The following PTPRG variants were observed in gnomAD, a reference collection of about 807,000 sequenced individuals.
PTPRG encodes receptor-type tyrosine-protein phosphatase gamma.
A neutral mutation model predicts 165.3 loss-of-function variants in PTPRG; 102 were observed. The ratio of observed to expected loss-of-function variants is 0.62; its 90% CI spans 0.53 to 0.73. PTPRG has a LOEUF of 0.73. Ranked by LOEUF, PTPRG falls within the 30% of genes least tolerant of loss-of-function variation. The pLI is 0.00. For synonymous variants in PTPRG, 675 were observed against 669.5 expected (o/e 1.01, Z -0.13); for missense variants, 1,866 against 1,861.4 (o/e 1.00, Z -0.05).
chr3:61,713,245 C>T (rs542455695), intron 1 of PTPRG, among the ~76,000 whole-genome samples: 2 of 151,630 alleles, frequency 1.3e-5, no homozygotes, highest in African/African-American at 2.4e-5. Context: ...ACTGCAACCT[C>T]CAGCTCCCTG....
At chr3:61,708,378 C>G (rs547539819) in intron 1 of PTPRG, among the ~76,000 whole-genome samples, 1 of 149,922 alleles carries the variant, frequency 6.7e-6, no homozygotes, top group Admixed American at 6.7e-5. Context: ...CACAGCCCAA[C>G]TGGGGGATCA....
intron 2 of PTPRG, among the ~76,000 whole-genome samples, chr3:61,911,233 C>T (rs889312103): frequency 3.3e-5 from 5 of 152,164 alleles, no homozygotes; most frequent in African/African-American, 1.2e-4. Context: ...AGAGACATTT[C>T]CCTTGTGAAC....
At chr3:62,125,866 G>A (rs1386377093) in intron 5 of PTPRG, among the ~76,000 whole-genome samples, 1 of 152,044 alleles carries the variant, frequency 6.6e-6, no homozygotes, top group Non-Finnish European at 1.5e-5. Context: ...TGGGACCCCG[G>A]CTTGAAATGC....
intron 4 of PTPRG, among the ~76,000 whole-genome samples, chr3:62,021,885 T>C (rs1234875224): frequency 7.0e-6 from 1 of 142,548 alleles, no homozygotes; most frequent in Non-Finnish European, 1.5e-5. Context: ...TTGCATTCCA[T>C]GTTTTGTTTA....
intron 1 of PTPRG, among the ~76,000 whole-genome samples, chr3:61,581,662 C>T (rs1195411230): frequency 3.4e-5 from 5 of 148,354 alleles, no homozygotes; most frequent in African/African-American, 7.4e-5. Context: ...CAGGCTGGAG[C>T]GCAGTGGCAC....
chr3:61,797,802 C>T (rs1013185735), intron 2 of PTPRG, among the ~76,000 whole-genome samples: 8 of 151,756 alleles, frequency 5.3e-5, no homozygotes, highest in Non-Finnish European at 1.2e-4. Context: ...TTGACAGTGC[C>T]CTCAGTTTCC....
At position 62,293,164 on chromosome 3, in the gene PTPRG, C is replaced by T. The variant is rs773319452; in HGVS notation, c.4195C>T (p.Gln1399Ter). 4.4e-6 allele frequency: 7 copies of T among 1,583,960 alleles called. No homozygotes were observed. Among genetic ancestry groups the T allele is most frequent in the Non-Finnish European group, 6.0e-6 (7 of 1,169,004 alleles). The stretch of plus-strand genomic sequence containing the variant: ...CTGTCTTCCTCTTGTTTTTCAGGAA[C>T]AATACCAGTTCATCTATAAAGCAAT... ...MRPGVFTDIE[Q>*]YQFIYKAMLS... Residue 1399 changes from glutamine to a stop codon, truncating the protein, a stop_gained, in exon 30 of 30, where the codon CAA becomes TAA. Coordinates refer to ENST00000474889, the MANE Select transcript of PTPRG (RefSeq NM_002841.4). LOFTEE classifies it high-confidence loss of function.
intron 1 of PTPRG, among the ~76,000 whole-genome samples, chr3:61,732,641 G>A (rs557653624): frequency 6.6e-6 from 1 of 152,030 alleles, no homozygotes; most frequent in South Asian, 2.1e-4. Flanking sequence ...CCCGAGAGGC[G>A]GAGCTTGCAG....
chr3:61,642,237 T>A (rs549074697), intron 1 of PTPRG, among the ~76,000 whole-genome samples: 2 of 152,264 alleles, frequency 1.3e-5, no homozygotes, highest in Middle Eastern at 3.4e-3. Context: ...CTCTCTCTCC[T>A]TGGGGCCGTC....
chr3:61,663,327 G>A (rs180761167), intron 1 of PTPRG, among the ~76,000 whole-genome samples: 18 of 152,288 alleles, frequency 1.2e-4, no homozygotes, highest in South Asian at 6.2e-4. Flanking sequence ...AACGTGGAAG[G>A]TTCTCAGTAG....
intron 5 of PTPRG, among the ~76,000 whole-genome samples, chr3:62,104,732 G>C (rs1702413270): frequency 6.6e-6 from 1 of 152,116 alleles, no homozygotes; most frequent in Non-Finnish European, 1.5e-5. Context: ...ATTTCACTGG[G>C]AAAAGACCTT....
chr3:61,610,188 G>C (rs1489247542), intron 1 of PTPRG, among the ~76,000 whole-genome samples: 2 of 151,412 alleles, frequency 1.3e-5, no homozygotes, highest in Non-Finnish European at 2.9e-5. Context: ...GTACAACTTT[G>C]TAGGGATGTG....
intron 5 of PTPRG, among the ~76,000 whole-genome samples, chr3:62,092,439 G>GGAAAAAA (rs369183881): frequency 0.032 from 2,876 of 89,392 alleles, 109 homozygotes; most frequent in East Asian, 0.21. Flanking sequence ...GAGTCCATCT[G>GGAAAAAA]AAAAAAAAAA....
At chr3:61,569,188 C>T (rs6789675) in intron 1 of PTPRG, among the ~76,000 whole-genome samples, 35,584 of 152,070 alleles carry the variant, frequency 0.23, 4,888 homozygotes, top group Admixed American at 0.33. Flanking sequence ...TAATGCTTTT[C>T]TATTTGTTTT....
intron 3 of PTPRG, among the ~76,000 whole-genome samples, chr3:61,998,823 C>G (rs1262407433): frequency 6.6e-6 from 1 of 152,222 alleles, no homozygotes; most frequent in East Asian, 1.9e-4. Flanking sequence ...ATAGACCTTT[C>G]CTGTCTTTGC....
At chr3:61,768,511 G>T (rs139827240) in intron 2 of PTPRG, among the ~76,000 whole-genome samples, 2 of 152,284 alleles carry the variant, frequency 1.3e-5, no homozygotes, top group Non-Finnish European at 2.9e-5. Context: ...ATGGGTTGTT[G>T]CTCGGAGAGC....
chr3:62,279,293 A>G (rs1407092337), intron 26 of PTPRG, among the ~76,000 whole-genome samples: 2 of 152,098 alleles, frequency 1.3e-5, no homozygotes, highest in African/African-American at 2.4e-5. Context: ...CAAAACAGTC[A>G]TGAGACCAGT....
chr3:61,944,394 T>G (rs2039705604), intron 2 of PTPRG, among the ~76,000 whole-genome samples: 1 of 152,230 alleles, frequency 6.6e-6, no homozygotes, highest in South Asian at 2.1e-4. Context: ...CTTGTGGCAT[T>G]GTACAGCAGG....
chr3:61,659,576 T>G (rs1335404019), intron 1 of PTPRG: 2 of 504,092 alleles, frequency 4.0e-6, no homozygotes, highest in Non-Finnish European at 5.1e-6. Flanking sequence ...AACCTTTGAG[T>G]GTCATGTTCC....
Sources: gnomAD v4.1 joint callset for allele counts (sites outside exome capture counted in the v4.1 genomes callset) on GRCh38, gnomAD v4.1.1 for gene constraint, MANE v1.5 for transcripts, NCBI Gene and HGNC (gene_info 2026-07-23, HGNC 2026-07-21) for gene names.